KSR2: variants seen among roughly 807,000 people sequenced by gnomAD.
The protein encoded by KSR2 is kinase suppressor of ras 2.
Under a neutral mutation model 107.8 loss-of-function variants are expected in KSR2, and 25 were observed. That is an observed-to-expected ratio of 0.23 (90% CI 0.17 to 0.32). The LOEUF is 0.32. KSR2 is among the 10% of genes least tolerant of loss of function. The pLI is 1.00. For missense variants in KSR2, 887 were observed against 1,268.9 expected (o/e 0.70, Z 4.57); for synonymous variants, 480 against 507.0 (o/e 0.95, Z 0.71).
chr12:117,959,765 T>C (rs1434704405), intron 1 of KSR2, among the ~76,000 whole-genome samples: 1 of 151,888 alleles, frequency 6.6e-6, no homozygotes, highest in Non-Finnish European at 1.5e-5. Context: ...ACCCTATCTC[T>C]ACAAAATTTT....
At chr12:117,832,677 T>C (rs576496175) in intron 3 of KSR2, among the ~76,000 whole-genome samples, 2 of 152,334 alleles carry the variant, frequency 1.3e-5, no homozygotes, top group African/African-American at 4.8e-5. Flanking sequence ...TCCAGAGCCC[T>C]AGAGAGCAGG....
chr12:117,656,980 G>GAATATATA (rs1884194868), intron 5 of KSR2, among the ~76,000 whole-genome samples: 1 of 50,552 alleles, frequency 2.0e-5, no homozygotes, highest in Non-Finnish European at 3.7e-5. Context: ...ATATATAATA[G>GAATATATA]GATATATATA....
At chr12:117,834,962 G>C (rs2137129434) in intron 3 of KSR2, among the ~76,000 whole-genome samples, 1 of 152,302 alleles carries the variant, frequency 6.6e-6, no homozygotes. Context: ...GTAAACCAGA[G>C]AGCCGTCTTC....
intron 4 of KSR2, among the ~76,000 whole-genome samples, chr12:117,686,205 C>A (rs1238960753): frequency 7.1e-6 from 1 of 140,860 alleles, no homozygotes; most frequent in Non-Finnish European, 1.5e-5. Context: ...CACACCACCA[C>A]ACCCAGCTAA....
chr12:117,812,051 T>C (rs1566027486), intron 3 of KSR2, among the ~76,000 whole-genome samples: 1 of 152,038 alleles, frequency 6.6e-6, no homozygotes. Context: ...GGATTTTTCT[T>C]GGAAAAAAAT....
At chr12:117,684,787 C>T (rs981924560) in intron 4 of KSR2, among the ~76,000 whole-genome samples, 6 of 152,130 alleles carry the variant, frequency 3.9e-5, no homozygotes, top group Admixed American at 1.3e-4. Flanking sequence ...TTAAGGTAAC[C>T]GGCGTTCCCA....
intron 5 of KSR2, among the ~76,000 whole-genome samples, chr12:117,603,086 A>T (rs953455185): frequency 7.2e-5 from 11 of 152,354 alleles, no homozygotes; most frequent in African/African-American, 2.6e-4. Flanking sequence ...TACTTTCCAT[A>T]GAATTAAGAG....
At chr12:117,966,599 T>TCC (rs1361952099) in intron 1 of KSR2, among the ~76,000 whole-genome samples, 2 of 125,826 alleles carry the variant, frequency 1.6e-5, no homozygotes, top group African/African-American at 6.6e-5. Flanking sequence ...GCATGTTCTC[T>TCC]CTCTCTCTCT....
At chr12:117,558,964 A>G (rs1452213066) in intron 7 of KSR2, among the ~76,000 whole-genome samples, 1 of 151,844 alleles carries the variant, frequency 6.6e-6, no homozygotes, top group African/African-American at 2.4e-5. Context: ...GAGATGAATG[A>G]ACAGACAGAT....
At chr12:117,579,782 G>A (rs1020983545) in intron 6 of KSR2, among the ~76,000 whole-genome samples, 7 of 152,176 alleles carry the variant, frequency 4.6e-5, no homozygotes, top group African/African-American at 1.7e-4. Flanking sequence ...CCTTGAAAGT[G>A]AAAGCCATTC....
At chr12:117,870,001 C>T (rs1422414827) in intron 1 of KSR2, among the ~76,000 whole-genome samples, 1 of 152,212 alleles carries the variant, frequency 6.6e-6, no homozygotes, top group Non-Finnish European at 1.5e-5. Flanking sequence ...AAATCATTTG[C>T]TGAGATCCAC....
intron 5 of KSR2, among the ~76,000 whole-genome samples, chr12:117,653,362 T>C (rs1316806320): frequency 3.3e-5 from 5 of 152,268 alleles, no homozygotes; most frequent in Non-Finnish European, 7.3e-5. Flanking sequence ...AGAGGCAATT[T>C]ACCTTCAGCT....
chr12:117,696,065 C>T (rs1297300480), intron 4 of KSR2, among the ~76,000 whole-genome samples: 1 of 152,196 alleles, frequency 6.6e-6, no homozygotes, highest in Non-Finnish European at 1.5e-5. Flanking sequence ...GTGTGCTCTC[C>T]ACCTGCTCAG....
Position 117,795,437 on chromosome 12 carries a change from C to T in KSR2, c.473-33913G>A, listed in dbSNP as rs566171303. Among the ~76,000 whole-genome samples the T allele has an allele frequency of 5.3e-5, 8 of 152,216 alleles. No individual in the cohort carries two copies. In the East Asian group the frequency reaches 1.5e-3, roughly 29 times the overall value. ...TGCCAAGTGGAACAGACTGGAATGC[C>T]AGAAGAGCACAAGATTCAGAGAAAT... On this transcript the variant is annotated intron_variant, in intron 3 of 19. Transcript: ENST00000339824.
At chr12:117,753,289 T>C (rs991388382) in intron 4 of KSR2, among the ~76,000 whole-genome samples, 6 of 152,164 alleles carry the variant, frequency 3.9e-5, no homozygotes, top group Admixed American at 3.9e-4. Context: ...TGTATCTCTG[T>C]TTACATACGG....
At chr12:117,690,361 C>T (rs964711729) in intron 4 of KSR2, among the ~76,000 whole-genome samples, 1 of 152,066 alleles carries the variant, frequency 6.6e-6, no homozygotes, top group Non-Finnish European at 1.5e-5. Context: ...GTCAAGAGTT[C>T]GAGACCAGCC....
intron 1 of KSR2, among the ~76,000 whole-genome samples, chr12:117,920,206 C>G (rs1490670191): frequency 1.3e-5 from 2 of 152,140 alleles, no homozygotes; most frequent in Non-Finnish European, 2.9e-5. Context: ...TCAAATAATC[C>G]TCTGACCTCA....
chr12:117,748,498 C>T (rs2136815780), intron 4 of KSR2, among the ~76,000 whole-genome samples: 1 of 152,214 alleles, frequency 6.6e-6, no homozygotes, highest in Admixed American at 6.5e-5. Context: ...TGTTAATTAG[C>T]CTGACTTAAA....
intron 10 of KSR2, among the ~76,000 whole-genome samples, chr12:117,539,015 G>A (rs1876262137): frequency 6.6e-6 from 1 of 152,228 alleles, no homozygotes; most frequent in African/African-American, 2.4e-5. Context: ...AATGACAAAG[G>A]AGGTCAGGAA....
Sources: gnomAD v4.1 joint callset for allele counts (sites outside exome capture counted in the v4.1 genomes callset) on GRCh38, gnomAD v4.1.1 for gene constraint, MANE v1.5 for transcripts, NCBI Gene and HGNC (gene_info 2026-07-23, HGNC 2026-07-21) for gene names.